The following PANX1 variants were observed in gnomAD, a reference collection of about 807,000 sequenced individuals.
PANX1 encodes pannexin 1.
In PANX1, 30 loss-of-function variants were observed where a neutral mutation model predicts 38.7. That is an observed-to-expected ratio of 0.78 (90% CI 0.58 to 1.05). The LOEUF (loss-of-function observed/expected upper bound fraction) is 1.05. PANX1 is among the 50% of genes least tolerant of loss of function. The pLI, the probability that PANX1 is intolerant of heterozygous loss-of-function variation, is 0.00. For missense variants in PANX1, 551 were observed against 517.2 expected (o/e 1.07, Z -0.63); for synonymous variants, 230 against 212.2 (o/e 1.08, Z -0.73).
intron 2 of PANX1, among the ~76,000 whole-genome samples, chr11:94,164,873 TATTTACA>T (rs1448462079): frequency 6.6e-6 from 1 of 152,240 alleles, no homozygotes; most frequent in Non-Finnish European, 1.5e-5. Context: ...GGTGCTTATA[TATTTACA>T]ATTGTTACAC....
intron 2 of PANX1, among the ~76,000 whole-genome samples, chr11:94,168,332 A>C (rs2134513377): frequency 6.6e-6 from 1 of 152,102 alleles, no homozygotes; most frequent in Admixed American, 6.5e-5. Context: ...AACTAACCAG[A>C]TGGATGGGCT....
At chr11:94,179,320 A>G (rs548030489) in intron 3 of PANX1, among the ~76,000 whole-genome samples, 5 of 152,164 alleles carry the variant, frequency 3.3e-5, no homozygotes, top group Non-Finnish European at 7.3e-5. Context: ...ATGCTTACAC[A>G]TATTTAGGAT....
chr11:94,168,768 C>G (rs1434696631), intron 2 of PANX1, among the ~76,000 whole-genome samples: 2 of 151,508 alleles, frequency 1.3e-5, no homozygotes, highest in Non-Finnish European at 2.9e-5. Flanking sequence ...TTTGCTGATC[C>G]TTGGTCTAGA....
chr11:94,139,955 G>A (rs1189480866), intron 1 of PANX1, among the ~76,000 whole-genome samples: 3 of 152,192 alleles, frequency 2.0e-5, no homozygotes, highest in East Asian at 1.9e-4. Context: ...ATGAACCATA[G>A]GAAGGGGTTG....
chr11:94,142,431 C>T (rs73555263), intron 1 of PANX1, among the ~76,000 whole-genome samples: 3,953 of 152,236 alleles, frequency 0.026, 167 homozygotes, highest in African/African-American at 0.091. Context: ...GTCTGTCACC[C>T]CAGGATGTCC....
intron 2 of PANX1, among the ~76,000 whole-genome samples, chr11:94,153,835 G>A (rs912251630): frequency 5.9e-5 from 9 of 152,190 alleles, no homozygotes; most frequent in African/African-American, 2.2e-4. Flanking sequence ...GGGGCAATGG[G>A]AAGTGTTCTT....
At chr11:94,156,173 C>G (rs1946946823) in intron 2 of PANX1, among the ~76,000 whole-genome samples, 1 of 152,138 alleles carries the variant, frequency 6.6e-6, no homozygotes, top group Non-Finnish European at 1.5e-5. Context: ...TTTGAGGGAT[C>G]TAGCCTAAAG....
intron 2 of PANX1, among the ~76,000 whole-genome samples, chr11:94,156,950 C>A (rs1424352284): frequency 6.6e-6 from 1 of 151,206 alleles, no homozygotes; most frequent in African/African-American, 2.4e-5. Flanking sequence ...TTGTTCAATT[C>A]CCAACTATGA....
chr11:94,138,886 A>G (rs1330024664), intron 1 of PANX1, among the ~76,000 whole-genome samples: 3 of 152,176 alleles, frequency 2.0e-5, no homozygotes, highest in East Asian at 1.9e-4. Flanking sequence ...CTTCAGTTGC[A>G]TTATGATTAG....
chr11:94,141,344 C>A (rs1422684210), intron 1 of PANX1, among the ~76,000 whole-genome samples: 1 of 152,152 alleles, frequency 6.6e-6, no homozygotes, highest in Non-Finnish European at 1.5e-5. Context: ...GGTTAAAATG[C>A]CATCTCATTG....
At chr11:94,146,394 G>T (rs1233618922) in intron 1 of PANX1, among the ~76,000 whole-genome samples, 1 of 152,210 alleles carries the variant, frequency 6.6e-6, no homozygotes, top group Non-Finnish European at 1.5e-5. Context: ...ATTCACCACT[G>T]GGTGAAAGTG....
intron 1 of PANX1, among the ~76,000 whole-genome samples, chr11:94,132,421 G>A (rs555322943): frequency 1.8e-4 from 28 of 152,306 alleles, no homozygotes; most frequent in African/African-American, 6.7e-4. Flanking sequence ...GGCCCCTGAG[G>A]CAGGATTCCA....
chr11:94,137,745 T>C (rs1302262384), intron 1 of PANX1, among the ~76,000 whole-genome samples: 1 of 150,010 alleles, frequency 6.7e-6, no homozygotes, highest in Non-Finnish European at 1.5e-5. Context: ...CTTTTTAAAA[T>C]ATAAATATTT....
At chr11:94,133,159 A>C (rs1005098394) in intron 1 of PANX1, among the ~76,000 whole-genome samples, 10 of 152,162 alleles carry the variant, frequency 6.6e-5, no homozygotes, top group African/African-American at 2.4e-4. Context: ...CTGCAGGTGA[A>C]GCGTCCACTC....
intron 1 of PANX1, among the ~76,000 whole-genome samples, chr11:94,134,301 C>G (rs986728355): frequency 1.3e-5 from 2 of 152,160 alleles, no homozygotes; most frequent in East Asian, 1.9e-4. Flanking sequence ...TCAGATGCCT[C>G]TAGAAGTGCT....
At position 94,181,955 on chromosome 11, in the gene PANX1, ATGGT is replaced by A. The variant is rs1408574162; in HGVS notation, c.*1090_*1093del. ...GAGAATTATAGAATAAAGATTATAA[ATGGT>A]TGGATAAGACAAATGTAAGCTTATT... On this transcript the variant is annotated 3_prime_UTR_variant, in exon 5 of 5. Transcript: ENST00000227638. The A allele has an allele frequency of 2.0e-5, 3 of 152,252 alleles. No homozygotes were observed. Among genetic ancestry groups the A allele is most frequent in the Non-Finnish European group, 2.9e-5 (2 of 68,044 alleles). The allele number at this position is 152,252 out of a possible 1,614,324, so 9.4% of individuals were successfully genotyped here.
chr11:94,172,629 A>G (rs1197684861), intron 2 of PANX1, among the ~76,000 whole-genome samples: 1 of 151,766 alleles, frequency 6.6e-6, no homozygotes, highest in African/African-American at 2.4e-5. Flanking sequence ...AGAGTTGAGC[A>G]GCTGCAACAG....
intron 2 of PANX1, 70 bp from the exon 3 acceptor site, chr11:94,178,299 C>A: frequency 1.7e-6 from 2 of 1,143,138 alleles, no homozygotes; most frequent in South Asian, 1.3e-5. Flanking sequence ...AAAATGAGAG[C>A]ATCACTTGGC....
chr11:94,145,159 G>A (rs1265704506), intron 1 of PANX1, among the ~76,000 whole-genome samples: 8 of 152,184 alleles, frequency 5.3e-5, no homozygotes, highest in Admixed American at 2.0e-4. Flanking sequence ...GGACTATAGC[G>A]TGTACGTGAT....
Sources: allele counts gnomAD v4.1 joint callset (sites outside exome capture counted in the v4.1 genomes callset), GRCh38; gene constraint gnomAD v4.1.1; transcripts MANE v1.5; gene names NCBI Gene and HGNC (gene_info 2026-07-23, HGNC 2026-07-21).